Variants in CRB1 observed in about 807,000 individuals in gnomAD.
The protein encoded by CRB1 is crumbs cell polarity complex component 1.
A neutral mutation model predicts 120.0 loss-of-function variants in CRB1; 83 were observed. The ratio of observed to expected loss-of-function variants is 0.69; its 90% CI spans 0.58 to 0.83. The LOEUF (loss-of-function observed/expected upper bound fraction) is 0.83. Ranked by LOEUF, CRB1 falls within the 40% of genes least tolerant of loss-of-function variation. The pLI is 0.00. For synonymous variants in CRB1, 625 were observed against 612.5 expected (o/e 1.02, Z -0.30); for missense variants, 1,699 against 1,687.6 (o/e 1.01, Z -0.12).
chr1:197,338,188 A>T (rs6695013), intron 2 of CRB1, among the ~76,000 whole-genome samples: 21,006 of 152,042 alleles, frequency 0.14, 1,651 homozygotes, highest in South Asian at 0.2. Context: ...TGCTATTTTC[A>T]TAATTCTTTT....
chr1:197,466,068 C>A (rs1445343048), intron 11 of CRB1, among the ~76,000 whole-genome samples: 1 of 152,150 alleles, frequency 6.6e-6, no homozygotes, highest in African/African-American at 2.4e-5. Flanking sequence ...AAAGTTGGGC[C>A]TGGGGCAAAG....
intron 1 of CRB1, among the ~76,000 whole-genome samples, chr1:197,296,695 T>A (rs1656541904): frequency 6.6e-6 from 1 of 152,090 alleles, no homozygotes; most frequent in Non-Finnish European, 1.5e-5. Context: ...GTAGCTCCGA[T>A]AATTCCCACA....
At chr1:197,294,582 T>C (rs1346899583) in intron 1 of CRB1, among the ~76,000 whole-genome samples, 1 of 152,148 alleles carries the variant, frequency 6.6e-6, no homozygotes, top group Non-Finnish European at 1.5e-5. Context: ...TTATAAATCA[T>C]GCTGCTATAA....
intron 4 of CRB1, among the ~76,000 whole-genome samples, chr1:197,349,827 G>A (rs549757935): frequency 3.9e-5 from 6 of 152,258 alleles, no homozygotes; most frequent in South Asian, 2.1e-4. Context: ...TTGGCTGGGC[G>A]CGGTGGCTCA....
Position 197,405,968 on chromosome 1 carries a change from C to T in CRB1, c.1172-15032C>T, listed in dbSNP as rs564139719. Among the ~76,000 whole-genome samples, 35 of 151,262 alleles carry T rather than the reference C, an allele frequency of 2.3e-4. No homozygotes were observed. In the South Asian group the frequency reaches 5.2e-3, roughly 23 times the overall value. On this transcript the variant is annotated intron_variant, in intron 5 of 11. Transcript: ENST00000367400. ...GAGGGAGGTGGGGGGGTCAGCCCCCCGCCCGGCCAGCCGCCCCGTCCGGGA... is the reference window on the plus strand; with the variant it reads ...GAGGGAGGTGGGGGGGTCAGCCCCCTGCCCGGCCAGCCGCCCCGTCCGGGA...
chr1:197,209,279 A>G, the CRB1 span, among the ~76,000 whole-genome samples: 2 of 152,186 alleles, frequency 1.3e-5, no homozygotes, highest in East Asian at 3.8e-4. Flanking sequence ...CATTCAATCA[A>G]AATTGTTCAG....
At chr1:197,203,946 C>G in the CRB1 span, among the ~76,000 whole-genome samples, 1 of 152,208 alleles carries the variant, frequency 6.6e-6, no homozygotes. Flanking sequence ...CCCTCACCCC[C>G]CTCCCACCCT....
intron 11 of CRB1, among the ~76,000 whole-genome samples, chr1:197,456,489 T>A (rs1666292038): frequency 6.6e-6 from 1 of 152,124 alleles, no homozygotes; most frequent in Non-Finnish European, 1.5e-5. Context: ...ATTGTCCCAT[T>A]TCCCTTTCAA....
Position 197,478,036 on chromosome 1 carries a change from G to A in CRB1, c.*157G>A. The A allele has an allele frequency of 1.3e-6, 1 of 762,976 alleles. No individual in the cohort carries two copies. 47.3% of individuals were successfully genotyped at this position (762,976 alleles called of 1,614,324 possible). ...TGACCACCTTAAAAACTTTCACAGT[G>A]GTTCCGCTCGACACCATTGTTTTAT... On this transcript the variant is annotated 3_prime_UTR_variant, in exon 12 of 12. Coordinates refer to ENST00000367400, the MANE Select transcript of CRB1 (RefSeq NM_201253.3).
chr1:197,405,811 G>C (rs906711350), intron 5 of CRB1, among the ~76,000 whole-genome samples: 22 of 150,956 alleles, frequency 1.5e-4, no homozygotes, highest in Non-Finnish European at 4.4e-5. Context: ...TAGCTGCCCC[G>C]TCTGAGAAGT....
the CRB1 span, chr1:197,223,213 C>A: frequency 8.5e-7 from 1 of 1,173,496 alleles, no homozygotes; most frequent in Non-Finnish European, 1.3e-6. Flanking sequence ...GATATGATAG[C>A]ATCATTTATA....
chr1:197,279,840 T>C (rs1655422566), intron 1 of CRB1, among the ~76,000 whole-genome samples: 1 of 151,580 alleles, frequency 6.6e-6, no homozygotes, highest in South Asian at 2.1e-4. Context: ...AAAGCCTTTT[T>C]TTTTTTTTAA....
intron 6 of CRB1, among the ~76,000 whole-genome samples, chr1:197,425,662 C>T (rs1207793880): frequency 2.0e-5 from 3 of 152,074 alleles, no homozygotes; most frequent in African/African-American, 4.8e-5. Context: ...TTAAACACTC[C>T]CTCCTCCTGA....
chr1:197,268,371 G>T lies in CRB1; in HGVS notation c.-42G>T. 6.8e-7 allele frequency: 1 copy of T among 1,478,980 alleles called. No homozygotes were observed. The highest frequency in any genetic ancestry group is 1.1e-5 in the South Asian group (1 of 88,144). 91.6% of individuals were successfully genotyped at this position (1,478,980 alleles called of 1,614,324 possible). Reference sequence around the variant, plus strand: ...GGGATCAGGAGCCGGACTGGGACCAGACCACCAGCAACACACCAGAGGATG... The same window carrying T: ...GGGATCAGGAGCCGGACTGGGACCATACCACCAGCAACACACCAGAGGATG... On this transcript the variant is annotated 5_prime_UTR_variant, in exon 1 of 12. Coordinates refer to ENST00000367400, the MANE Select transcript of CRB1 (RefSeq NM_201253.3).
chr1:197,230,700 C>T, the CRB1 span, among the ~76,000 whole-genome samples: 2 of 152,092 alleles, frequency 1.3e-5, no homozygotes, highest in Non-Finnish European at 2.9e-5. Context: ...CCTTTAAAAT[C>T]AATCAATTAC....
chr1:197,353,674 G>A (rs976901342), intron 4 of CRB1, among the ~76,000 whole-genome samples: 1 of 152,060 alleles, frequency 6.6e-6, no homozygotes, highest in South Asian at 2.1e-4. Flanking sequence ...GGTGGCACAC[G>A]CCTGTAATCC....
At chr1:197,387,658 TA>T (rs1662286084) in intron 5 of CRB1, among the ~76,000 whole-genome samples, 1 of 152,102 alleles carries the variant, frequency 6.6e-6, no homozygotes, top group South Asian at 2.1e-4. Flanking sequence ...TATTTAATTT[TA>T]TCCATTTATT....
the CRB1 span, chr1:197,223,281 AG>A: frequency 1.2e-6 from 1 of 853,612 alleles, no homozygotes; most frequent in South Asian, 1.4e-5. Flanking sequence ...GAATTAGAAA[AG>A]GGGTTTGGAA....
chr1:197,203,786 A>T, the CRB1 span, among the ~76,000 whole-genome samples: 1 of 152,216 alleles, frequency 6.6e-6, no homozygotes, highest in African/African-American at 2.4e-5. Flanking sequence ...AATCCTATGG[A>T]TTAATTACTT....
Sources: gnomAD v4.1 joint callset for allele counts (sites outside exome capture counted in the v4.1 genomes callset) on GRCh38, gnomAD v4.1.1 for gene constraint, MANE v1.5 for transcripts, NCBI Gene and HGNC (gene_info 2026-07-23, HGNC 2026-07-21) for gene names.